HSD17B7: variants seen among roughly 807,000 people sequenced by gnomAD.
The protein encoded by HSD17B7 is 3-keto-steroid reductase/17-beta-hydroxysteroid dehydrogenase 7.
HSD17B7 carries 17 observed loss-of-function variants against 34.1 expected under a neutral mutation model. The ratio of observed to expected loss-of-function variants is 0.50; its 90% CI spans 0.34 to 0.75. The LOEUF is 0.75. Ranked by LOEUF, HSD17B7 falls within the 30% of genes least tolerant of loss-of-function variation. The pLI is 0.01. For synonymous variants in HSD17B7, 122 were observed against 154.6 expected (o/e 0.79, Z 1.56); for missense variants, 296 against 406.6 (o/e 0.73, Z 2.34).
chr1:162,810,628 G>A (rs1406901504), intron 8 of HSD17B7, among the ~76,000 whole-genome samples: 1 of 148,586 alleles, frequency 6.7e-6, no homozygotes, highest in African/African-American at 2.5e-5. Flanking sequence ...ATGAATCTGG[G>A]TGCTCCTGTA....
At chr1:162,797,137 A>C (rs1363898284) in intron 3 of HSD17B7, 1 of 162,142 alleles carries the variant, frequency 6.2e-6, no homozygotes, top group East Asian at 1.8e-4. Flanking sequence ...ATGTTGAAAC[A>C]CAACCAGGAG....
At position 162,804,278 on chromosome 1, in the gene HSD17B7, T is replaced by G. The variant is rs749944458; in HGVS notation, c.759T>G (p.Phe253Leu). 2 of 1,609,702 alleles carry G rather than the reference T, an allele frequency of 1.2e-6. No homozygotes were observed. The highest frequency in any genetic ancestry group is 1.7e-6 in the Non-Finnish European group (2 of 1,178,010). The change falls in exon 7 of 9, where the codon TTT (phenylalanine) becomes TTG (leucine). Residue 253 changes from phenylalanine to leucine, a missense_variant. By Grantham distance (22) the Phe-to-Leu change is conservative. Coordinates refer to ENST00000254521, the MANE Select transcript of HSD17B7 (RefSeq NM_016371.4). ...LMPAILLLRFFANAFTLTPYN... is the reference protein window; with the variant it reads ...LMPAILLLRFLANAFTLTPYN... ...TTTCTTTTCCGCAGCTTCGCTTTTT[T>G]GCAAATGCATTCACTTTGACACCAT...
rs1049441500 is a variant in HSD17B7 at position 162,799,942 on chromosome 1, G to A, written c.642+5G>A. The stretch of plus-strand genomic sequence containing the variant: ...AACAGGAACTTCAACCAGCAGGTAA[G>A]GCCTGTCTCAGTGATACGGAAATGG... On this transcript the variant is annotated splice_donor_5th_base_variant and intron_variant, in intron 5 of 8. Transcript: ENST00000254521. 11 of 1,613,370 alleles carry A rather than the reference G, an allele frequency of 6.8e-6. No homozygotes were observed. The highest frequency in any genetic ancestry group is 9.3e-6 in the Non-Finnish European group (11 of 1,179,496).
At chr1:162,798,918 C>G (rs1404166605) in intron 4 of HSD17B7, 2 of 291,680 alleles carry the variant, frequency 6.9e-6, no homozygotes, top group African/African-American at 4.6e-5. Context: ...CGCTTGAACC[C>G]GGGAAGCGGA....
At chr1:162,799,073 A>G (rs1431305667) in intron 4 of HSD17B7, 4 of 157,376 alleles carry the variant, frequency 2.5e-5, no homozygotes, top group Non-Finnish European at 5.6e-5. Context: ...CTACCTCCTT[A>G]AGAGTGGGTT....
chr1:162,794,213 G>A (rs1308427551), intron 2 of HSD17B7, among the ~76,000 whole-genome samples: 1 of 152,164 alleles, frequency 6.6e-6, no homozygotes, highest in Non-Finnish European at 1.5e-5. Flanking sequence ...GAACTACCTT[G>A]TTTCCTTGGA....
chr1:162,795,850 CTTAGATGAAGAG>C (rs1190146794), intron 2 of HSD17B7, among the ~76,000 whole-genome samples: 2 of 29,498 alleles, frequency 6.8e-5, no homozygotes, highest in Non-Finnish European at 7.0e-4. Flanking sequence ...CTATGTAAGT[CTTAGATGAAGAG>C]TCTTAGATGA....
intron 2 of HSD17B7, among the ~76,000 whole-genome samples, chr1:162,793,892 T>G (rs1648504244): frequency 6.7e-6 from 1 of 149,116 alleles, no homozygotes; most frequent in Non-Finnish European, 1.5e-5. Context: ...GGGGTATTTT[T>G]TTTCCCTAGG....
chr1:162,809,232 G>A (rs190064928), intron 8 of HSD17B7, among the ~76,000 whole-genome samples: 1 of 152,184 alleles, frequency 6.6e-6, no homozygotes, highest in East Asian at 1.9e-4. Context: ...ATAATCATTT[G>A]GTTTTTGTCT....
At position 162,805,411 on chromosome 1, in the gene HSD17B7, A is replaced by G; in HGVS notation, c.822A>G (p.Gln274=). ...CTTTCCAGGTATGGCTTTTCCACCA[A>G]AAGCCTGAATCTCTCAATCCTCTGA... ...GTEALVWLFH[Q]KPESLNPLIK... is the part of the protein sequence containing the mutation. Residue 274 remains glutamine, a synonymous_variant, in exon 8 of 9, where the codon CAA becomes CAG. Coordinates refer to ENST00000254521, the MANE Select transcript of HSD17B7 (RefSeq NM_016371.4). 6.2e-7 allele frequency: 1 copy of G among 1,613,028 alleles called. No homozygotes were observed. Among genetic ancestry groups the G allele is most frequent in the Non-Finnish European group, 8.5e-7 (1 of 1,179,292 alleles).
intron 8 of HSD17B7, among the ~76,000 whole-genome samples, chr1:162,806,882 G>C (rs1043665409): frequency 2.0e-5 from 3 of 152,116 alleles, no homozygotes; most frequent in African/African-American, 7.2e-5. Flanking sequence ...TAAAAGATGG[G>C]GTTGAACTAG....
chr1:162,809,614 T>A (rs1649108504), intron 8 of HSD17B7, among the ~76,000 whole-genome samples: 1 of 152,128 alleles, frequency 6.6e-6, no homozygotes, highest in African/African-American at 2.4e-5. Context: ...TTTTGGTTGG[T>A]AGGCTATTAA....
chr1:162,800,491 G>A (rs1648772867), intron 5 of HSD17B7, among the ~76,000 whole-genome samples: 1 of 152,208 alleles, frequency 6.6e-6, no homozygotes, highest in Non-Finnish European at 1.5e-5. Context: ...CTGGATAGTG[G>A]TGGTTTTAGG....
intron 2 of HSD17B7, among the ~76,000 whole-genome samples, chr1:162,796,257 AT>A (rs1648607691): frequency 6.6e-6 from 1 of 152,052 alleles, no homozygotes; most frequent in African/African-American, 2.4e-5. Flanking sequence ...GCAATTCCTT[AT>A]TGAGAGGACA....
intron 2 of HSD17B7, among the ~76,000 whole-genome samples, chr1:162,794,615 A>C (rs1648537886): frequency 6.6e-6 from 1 of 152,076 alleles, no homozygotes; most frequent in Non-Finnish European, 1.5e-5. Flanking sequence ...AAAAACCATG[A>C]AGTTGAGAGA....
chr1:162,806,792 T>C (rs1648993916), intron 8 of HSD17B7, among the ~76,000 whole-genome samples: 1 of 152,220 alleles, frequency 6.6e-6, no homozygotes, highest in Non-Finnish European at 1.5e-5. Flanking sequence ...ACTGACATAC[T>C]CATTAGCATT....
chr1:162,812,205 T>G (rs1649190646), intron 8 of HSD17B7, 93 bp from the exon 9 acceptor site: 1 of 1,451,858 alleles, frequency 6.9e-7, no homozygotes, highest in African/African-American at 1.4e-5. Flanking sequence ...CCTCCTTTCT[T>G]TTTATTTCAT....
At chr1:162,808,562 A>C (rs146739717) in intron 8 of HSD17B7, among the ~76,000 whole-genome samples, 1,863 of 152,262 alleles carry the variant, frequency 0.012, 29 homozygotes, top group African/African-American at 0.043. Context: ...CTTGGGTAGT[A>C]TGGCCATTTT....
At position 162,792,248 on chromosome 1, in the gene HSD17B7, A is replaced by G. The variant is rs556349330; in HGVS notation, c.36-411A>G. On this transcript the variant is annotated intron_variant, in intron 1 of 8. Coordinates refer to ENST00000254521, the MANE Select transcript of HSD17B7 (RefSeq NM_016371.4). ...TAGAGCCCTTGCCCCTGAGGAGCCT[A>G]GACAGCAAAGTCAAAATGCACATAG... 2.6e-3 allele frequency among the ~76,000 whole-genome samples: 398 copies of G among 152,310 alleles called. 3 individuals are homozygous for G. Among genetic ancestry groups the G allele is most frequent in the African/African-American group, 8.6e-3 (358 of 41,562 alleles).
Sources: allele counts gnomAD v4.1 joint callset (sites outside exome capture counted in the v4.1 genomes callset), GRCh38; gene constraint gnomAD v4.1.1; transcripts MANE v1.5; gene names NCBI Gene and HGNC (gene_info 2026-07-23, HGNC 2026-07-21).